Variants in UROC1 observed in about 807,000 individuals in gnomAD.
UROC1 encodes the protein urocanate hydratase 1, also known as urocanate hydratase.
In UROC1, 79 loss-of-function variants were observed where a neutral mutation model predicts 89.5. That is an observed-to-expected ratio of 0.88 (90% CI 0.74 to 1.06). The LOEUF is 1.06. UROC1 is among the 50% of genes least tolerant of loss of function. UROC1 has a pLI of 0.00. For synonymous variants in UROC1, 361 were observed against 354.8 expected (o/e 1.02, Z -0.20); for missense variants, 885 against 907.8 (o/e 0.97, Z 0.32).
chr3:126,482,803 C>A (rs1935419674), intron 19 of UROC1, among the ~76,000 whole-genome samples: 1 of 152,102 alleles, frequency 6.6e-6, no homozygotes, highest in Non-Finnish European at 1.5e-5. Flanking sequence ...TTCACAATGT[C>A]CCTGCAGTCC....
At chr3:126,515,208 C>T (rs1055693889) in intron 1 of UROC1, among the ~76,000 whole-genome samples, 3 of 152,148 alleles carry the variant, frequency 2.0e-5, no homozygotes, top group South Asian at 4.1e-4. Context: ...ATGTGCAGGC[C>T]GCAGGGCCCT....
At chr3:126,508,290 T>C (rs896672987) in intron 4 of UROC1, 126 bp downstream of exon 4, 5 of 1,376,104 alleles carry the variant, frequency 3.6e-6, no homozygotes, top group African/African-American at 1.4e-5. Flanking sequence ...TCTCCAATGC[T>C]GGAGCCTCAG....
At chr3:126,510,496 G>A (rs1441343261) in intron 2 of UROC1, among the ~76,000 whole-genome samples, 168 bp downstream of exon 2, 3 of 152,198 alleles carry the variant, frequency 2.0e-5, no homozygotes, top group African/African-American at 2.4e-5. Flanking sequence ...GCTGGGCTCC[G>A]GCTCCCGAGG....
chr3:126,511,983 A>G (rs1357017326), intron 1 of UROC1, among the ~76,000 whole-genome samples: 1 of 152,174 alleles, frequency 6.6e-6, no homozygotes, highest in African/African-American at 2.4e-5. Context: ...TTAGTTCATG[A>G]AAGTTGTCTT....
chr3:126,489,658 G>A (rs111929475), intron 16 of UROC1, among the ~76,000 whole-genome samples: 1,529 of 152,222 alleles, frequency 0.01, 23 homozygotes, highest in African/African-American at 0.035. Context: ...ATGAGAAAGC[G>A]GAGGCACAGA....
At chr3:126,485,600 T>TTTA (rs1935498259) in intron 18 of UROC1, among the ~76,000 whole-genome samples, 1 of 143,536 alleles carries the variant, frequency 7.0e-6, no homozygotes, top group South Asian at 2.1e-4. Flanking sequence ...TATTTATTTA[T>TTTA]TTTTTTTTGG....
In UROC1 at chr3:126,500,894, G is replaced by A. The variant is rs1268560883; in HGVS notation, c.966-20C>T. 3 of 1,612,644 alleles carry A rather than the reference G, an allele frequency of 1.9e-6. No homozygotes were observed. The highest frequency in any genetic ancestry group is 3.4e-4 in the Middle Eastern group (2 of 5,798). ...CGCTCCCTGGGGAAGCCATGCGGTG[G>A]TCAGTGCAAGCCACACACAGCCTGG... is the stretch of plus-strand genomic sequence containing the variant. On this transcript the variant is annotated intron_variant, in intron 10 of 19. Transcript: ENST00000290868.
intron 18 of UROC1, among the ~76,000 whole-genome samples, chr3:126,484,397 A>G (rs1478356992): frequency 6.6e-6 from 1 of 152,162 alleles, no homozygotes; most frequent in Non-Finnish European, 1.5e-5. Context: ...CACAAGAAGC[A>G]CCCTTAATTT....
intron 14 of UROC1, 72 bp downstream of exon 14, chr3:126,497,978 GA>G: frequency 6.2e-7 from 1 of 1,611,202 alleles, no homozygotes; most frequent in East Asian, 2.2e-5. Flanking sequence ...GCCTGCTATA[GA>G]AGCTTGTCTC....
chr3:126,500,768 G>T lies in UROC1; in HGVS notation c.1072C>A (p.Gln358Lys), dbSNP rs1185040165. The T allele has an allele frequency of 6.2e-7, 1 of 1,614,006 alleles. No individual in the cohort carries two copies. The highest frequency in any genetic ancestry group is 2.2e-5 in the East Asian group (1 of 44,878). The change falls in exon 11 of 20, where the codon CAG becomes AAG. Residue 358 changes from glutamine to lysine, a missense_variant. Coordinates refer to ENST00000290868, the MANE Select transcript of UROC1 (RefSeq NM_144639.3). ...CTCTGGGCCTCCGTGAAGCTGAGCTGCACAGGGTAGTAGCCGCCATTGAAC... is the reference window on the plus strand; with the variant it reads ...CTCTGGGCCTCCGTGAAGCTGAGCTTCACAGGGTAGTAGCCGCCATTGAAC... The part of the protein sequence containing the change: ...NPFNGGYYPV[Q>K]LSFTEAQSLM...
chr3:126,512,830 C>T (rs1238845744), intron 1 of UROC1, among the ~76,000 whole-genome samples: 1 of 152,210 alleles, frequency 6.6e-6, no homozygotes, highest in Non-Finnish European at 1.5e-5. Flanking sequence ...ACAAGACACA[C>T]TAAGAAAGCA....
intron 18 of UROC1, among the ~76,000 whole-genome samples, chr3:126,485,370 A>G (rs1799387): frequency 0.48 from 72,665 of 151,358 alleles, 19,268 homozygotes; most frequent in Middle Eastern, 0.61. Flanking sequence ...ACTGCTGTCA[A>G]TCATGGCACT....
chr3:126,510,691 T>G lies in UROC1; in HGVS notation c.230A>C (p.Tyr77Ser). Reference sequence around the variant, plus strand: ...CATTTCAATGTCGGGGCAAAACCGGTACATGTAGATGTGTCCGTACAGTTG... The same window carrying G: ...CATTTCAATGTCGGGGCAAAACCGGGACATGTAGATGTGTCCGTACAGTTG... ...ELQLYGHIYMYRFCPDIEMRA... is the reference protein window; with the variant it reads ...ELQLYGHIYMSRFCPDIEMRA... The change falls in exon 2 of 20, where the codon TAC (tyrosine) becomes TCC (serine). Residue 77 changes from tyrosine to serine, a missense_variant. Tyr to Ser is a moderately radical substitution (Grantham distance 144). Transcript: ENST00000290868. 8 of 1,614,174 alleles carry G rather than the reference T, an allele frequency of 5.0e-6. No homozygotes were observed. The highest frequency in any genetic ancestry group is 6.8e-6 in the Non-Finnish European group (8 of 1,180,044).
At chr3:126,499,875 C>T (rs1266383839) in intron 12 of UROC1, among the ~76,000 whole-genome samples, 182 bp downstream of exon 12, 1 of 152,212 alleles carries the variant, frequency 6.6e-6, no homozygotes, top group East Asian at 1.9e-4. Flanking sequence ...CCCAGAGAGG[C>T]TGAGCCACCT....
rs531821962 is a variant in UROC1, at chr3:126,485,312, GAAAC to G, written c.1791-1848_1791-1845del. On this transcript the variant is annotated intron_variant, in intron 18 of 19. Transcript: ENST00000290868. ...ATTATTATGCTTATTTTCTCATTGA[GAAAC>G]AAAGGCACAGCAAGGCTACCCTGTG... 4.9e-3 allele frequency among the ~76,000 whole-genome samples: 746 copies of G among 152,206 alleles called. 4 individuals carry two copies. Among genetic ancestry groups the G allele is most frequent in the Middle Eastern group, 0.044 (13 of 294 alleles).
intron 1 of UROC1, among the ~76,000 whole-genome samples, chr3:126,513,457 C>G (rs913416033): frequency 3.9e-5 from 6 of 151,968 alleles, no homozygotes; most frequent in Admixed American, 3.3e-4. Context: ...TGGGTGCGGA[C>G]AGCGCTCTGG....
intron 14 of UROC1, among the ~76,000 whole-genome samples, chr3:126,496,973 C>A (rs1198833527): frequency 6.6e-6 from 1 of 152,102 alleles, no homozygotes; most frequent in African/African-American, 2.4e-5. Context: ...GGCTTCTTTC[C>A]GGAGGGCTGG....
At position 126,508,102 on chromosome 3, in the gene UROC1, G is replaced by A. The variant is rs144050027; in HGVS notation, c.412-7C>T. The A allele has an allele frequency of 1.2e-6, 2 of 1,613,682 alleles. No homozygotes were observed. The highest frequency in any genetic ancestry group is 2.2e-5 in the East Asian group (1 of 44,884). On this transcript the variant is annotated splice_polypyrimidine_tract_variant and splice_region_variant and intron_variant, in intron 4 of 19. Transcript: ENST00000290868. ...AGAACATGGTCAGCCAGAACTGGGG[G>A]AAGAGCAGAGCGTGGGGATTCTGTC... is the stretch of plus-strand genomic sequence containing the variant.
At chr3:126,486,070 G>A (rs1935509420) in intron 18 of UROC1, among the ~76,000 whole-genome samples, 1 of 152,202 alleles carries the variant, frequency 6.6e-6, no homozygotes, top group African/African-American at 2.4e-5. Flanking sequence ...CGGCGCCCCA[G>A]GACCCAGGGA....
Sources: allele counts gnomAD v4.1 joint callset (sites outside exome capture counted in the v4.1 genomes callset), GRCh38; gene constraint gnomAD v4.1.1; transcripts MANE v1.5; gene names NCBI Gene and HGNC (gene_info 2026-07-23, HGNC 2026-07-21).